C5orf24: variants seen among roughly 807,000 people sequenced by gnomAD.
The protein encoded by C5orf24 is chromosome 5 open reading frame 24.
C5orf24 carries 4 observed loss-of-function variants against 9.8 expected under a neutral mutation model. The observed-to-expected ratio is 0.41, with a 90% CI of 0.20 to 0.93. The LOEUF (loss-of-function observed/expected upper bound fraction) is 0.93. Ranked by LOEUF, C5orf24 falls within the 40% of genes least tolerant of loss-of-function variation. The pLI is 0.33. For synonymous variants in C5orf24, 73 were observed against 81.3 expected, an observed-to-expected ratio of 0.90 and a Z score of 0.55; for missense variants, 170 against 236.9, an observed-to-expected ratio of 0.72 and a Z score of 1.85.
chr5:134,857,091 C>T lies in C5orf24; in HGVS notation c.*1624C>T. ...TCTTCTTTCCTTTCTGAAAGTAATA[C>T]TTCTTGTTACACATTTTATTTATTG... On this transcript the variant is annotated 3_prime_UTR_variant, in exon 2 of 2. Coordinates refer to ENST00000394976, the MANE Select transcript of C5orf24 (RefSeq NM_001135586.1). The T allele has an allele frequency of 8.6e-7, 1 of 1,161,142 alleles. No homozygotes were observed. Among genetic ancestry groups the T allele is most frequent in the Middle Eastern group, 3.8e-4 (1 of 2,664 alleles). 71.9% of individuals were successfully genotyped at this position (1,161,142 alleles called of 1,614,324 possible).
At chr5:134,843,704 T>G (rs1464118801), upstream of C5orf24, among the ~76,000 whole-genome samples, 2 of 152,216 alleles carry the variant, frequency 1.3e-5, no homozygotes, top group African/African-American at 4.8e-5. Context: ...TTTAGCGACA[T>G]GCACCACCAT....
At chr5:134,840,658 T>C in the C5orf24 span, among the ~76,000 whole-genome samples, 1 of 151,442 alleles carries the variant, frequency 6.6e-6, no homozygotes, top group East Asian at 1.9e-4. Context: ...CTCAGCATCC[T>C]AAGTAGTTGG....
Position 134,858,913 on chromosome 5 carries a change from T to G in C5orf24, c.*3446T>G, listed in dbSNP as rs1163148025. ...ATTCTTTATATTTTTTATTTACTTT[T>G]TAAAGAAACATCTGTCAAAGTAATA... On this transcript the variant is annotated 3_prime_UTR_variant, in exon 2 of 2. Transcript: ENST00000394976. 6.0e-6 allele frequency: 1 copy of G among 166,888 alleles called. No homozygotes were observed. Among genetic ancestry groups the G allele is most frequent in the Non-Finnish European group, 1.5e-5 (1 of 68,070 alleles). The allele number at this position is 166,888 out of a possible 1,614,324, so 10.3% of individuals were successfully genotyped here. A position where few individuals can be genotyped will look rare whatever the true frequency, so the allele number is the denominator to read the frequency against.
upstream of C5orf24, among the ~76,000 whole-genome samples, chr5:134,843,997 G>A (rs1486712723): frequency 6.6e-6 from 1 of 152,210 alleles, no homozygotes. Context: ...GTGGCAGAAA[G>A]GCATTCAAAC....
chr5:134,853,081 C>T (rs542799012), intron 1 of C5orf24, among the ~76,000 whole-genome samples: 166 of 152,030 alleles, frequency 1.1e-3, no homozygotes, highest in African/African-American at 3.6e-3. Flanking sequence ...AGGAGAATGG[C>T]GTGAACCCGG....
chr5:134,859,373 C>T lies in C5orf24; in HGVS notation c.*3906C>T, dbSNP rs761203011. On this transcript the variant is annotated 3_prime_UTR_variant, in exon 2 of 2. Coordinates refer to ENST00000394976, the MANE Select transcript of C5orf24 (RefSeq NM_001135586.1). ...GTATCTGAATCTTTCCTTTTTTCCC[C>T]CCTCCTCCAAATATATAAATCTGTG... 10 of 166,716 alleles carry T rather than the reference C, an allele frequency of 6.0e-5. No individual in the cohort carries two copies. The highest frequency in any genetic ancestry group is 1.5e-4 in the Non-Finnish European group (10 of 68,046). 10.3% of individuals were successfully genotyped at this position (166,716 alleles called of 1,614,324 possible).
Position 134,848,786 on chromosome 5 carries a change from C to T in C5orf24, c.-4+2574C>T, listed in dbSNP as rs1756070146. Among the ~76,000 whole-genome samples the T allele has an allele frequency of 2.0e-5, 3 of 149,576 alleles. No individual in the cohort carries two copies. The South Asian group carries it at 6.3e-4, about 31-fold the overall frequency. Reference sequence around the variant, plus strand: ...GACCAGCCTGACTAACATGGTGAAACGTCGTCTCTACCGAAAATAAAAAAA... The same window carrying T: ...GACCAGCCTGACTAACATGGTGAAATGTCGTCTCTACCGAAAATAAAAAAA... On this transcript the variant is annotated intron_variant, in intron 1 of 1. Transcript: ENST00000394976.
chr5:134,848,545 C>T (rs889593500), intron 1 of C5orf24, among the ~76,000 whole-genome samples: 1 of 150,978 alleles, frequency 6.6e-6, no homozygotes, highest in African/African-American at 2.4e-5. Context: ...CCTGTAATCC[C>T]AGCTACTCAG....
At chr5:134,840,678 C>T in the C5orf24 span, among the ~76,000 whole-genome samples, 2 of 151,996 alleles carry the variant, frequency 1.3e-5, no homozygotes, top group Non-Finnish European at 2.9e-5. Context: ...GGACCACAGG[C>T]ATGTGCCACC....
At chr5:134,837,727 G>A in the C5orf24 span, among the ~76,000 whole-genome samples, 1 of 150,862 alleles carries the variant, frequency 6.6e-6, no homozygotes, top group African/African-American at 2.4e-5. Context: ...ACACCAAATT[G>A]GCCAGTACTT....
At chr5:134,835,581 A>T in the C5orf24 span, among the ~76,000 whole-genome samples, 1 of 152,226 alleles carries the variant, frequency 6.6e-6, no homozygotes, top group East Asian at 1.9e-4. Context: ...CAGGAGGTGG[A>T]GGTTACAGTG....
Position 134,855,743 on chromosome 5 carries a change from C to T in C5orf24, c.*276C>T. 1 of 1,307,946 alleles carries T rather than the reference C, an allele frequency of 7.6e-7. No individual in the cohort carries two copies. The allele number at this position is 1,307,946 out of a possible 1,614,324, so 81.0% of individuals were successfully genotyped here. A position where few individuals can be genotyped will look rare whatever the true frequency, so the allele number is the denominator to read the frequency against. ...AGAGTTATGGTCATGTCTCATGTTTCATTACTACTTTGGGGCTGTTCTAAA... is the reference window on the plus strand; with the variant it reads ...AGAGTTATGGTCATGTCTCATGTTTTATTACTACTTTGGGGCTGTTCTAAA... On this transcript the variant is annotated 3_prime_UTR_variant, in exon 2 of 2. Transcript: ENST00000394976.
the C5orf24 span, among the ~76,000 whole-genome samples, chr5:134,834,774 C>T: frequency 2.6e-5 from 4 of 152,066 alleles, no homozygotes; most frequent in South Asian, 2.1e-4. Flanking sequence ...AGGCCAGGCA[C>T]GGTAGCTCAC....
chr5:134,847,237 T>A (rs1756020777), intron 1 of C5orf24, among the ~76,000 whole-genome samples: 1 of 152,220 alleles, frequency 6.6e-6, no homozygotes, highest in South Asian at 2.1e-4. Context: ...ACAGTCCAAA[T>A]ATATAGAAGC....
At chr5:134,839,448 C>T in the C5orf24 span, among the ~76,000 whole-genome samples, 2 of 152,038 alleles carry the variant, frequency 1.3e-5, no homozygotes, top group African/African-American at 4.8e-5. Context: ...CATTTAAATC[C>T]GTATCTATCT....
At chr5:134,840,090 T>C in the C5orf24 span, among the ~76,000 whole-genome samples, 1 of 152,030 alleles carries the variant, frequency 6.6e-6, no homozygotes, top group African/African-American at 2.4e-5. Context: ...GGGCGGATCA[T>C]GAGGTCAGGA....
intron 1 of C5orf24, among the ~76,000 whole-genome samples, chr5:134,848,016 A>G (rs1756043958): frequency 6.6e-6 from 1 of 152,208 alleles, no homozygotes; most frequent in Non-Finnish European, 1.5e-5. Context: ...CTGACTCTTA[A>G]GAAATGTGGC....
Position 134,848,984 on chromosome 5 carries a change from G to A in C5orf24, c.-4+2772G>A, listed in dbSNP as rs555064531. The stretch of plus-strand genomic sequence containing the variant: ...AAAAAAAAAAAAAAAGAGGCTGGGC[G>A]CGGTGGCTCACGCCTGTAATCCCAG... On this transcript the variant is annotated intron_variant, in intron 1 of 1. Coordinates refer to ENST00000394976, the MANE Select transcript of C5orf24 (RefSeq NM_001135586.1). Among the ~76,000 whole-genome samples, 488 of 149,406 alleles carry A rather than the reference G, an allele frequency of 3.3e-3. 3 individuals are homozygous for A. Among genetic ancestry groups the A allele is most frequent in the African/African-American group, 0.011 (466 of 40,790 alleles).
At chr5:134,854,780 C>G (rs547536550) in intron 1 of C5orf24, 118 bp from the exon 2 acceptor site, 3 of 1,110,678 alleles carry the variant, frequency 2.7e-6, no homozygotes, top group East Asian at 2.5e-5. Flanking sequence ...GCCTGTTAGC[C>G]TAATTTTATG....
Sources: gnomAD v4.1 joint callset for allele counts (sites outside exome capture counted in the v4.1 genomes callset) on GRCh38, gnomAD v4.1.1 for gene constraint, MANE v1.5 for transcripts, NCBI Gene and HGNC (gene_info 2026-07-23, HGNC 2026-07-21) for gene names.